The following LIG1 variants were observed in gnomAD, a reference collection of about 807,000 sequenced individuals.
LIG1 encodes the protein ligase I, DNA, ATP-dependent.
Under a neutral mutation model 115.7 loss-of-function variants are expected in LIG1, and 70 were observed. The observed-to-expected ratio is 0.60, with a 90% confidence interval of 0.50 to 0.74. LIG1 has a LOEUF of 0.74. Ranked by LOEUF, LIG1 falls within the 30% of genes least tolerant of loss-of-function variation. LIG1 has a pLI of 0.00. For synonymous variants in LIG1, 487 were observed against 495.3 expected, an observed-to-expected ratio of 0.98 and a Z score of 0.22; for missense variants, 1,115 against 1,225.6, an observed-to-expected ratio of 0.91 and a Z score of 1.35.
chr19:48,160,732 T>G lies in LIG1; in HGVS notation c.243+640A>C, dbSNP rs1353880743. Among the ~76,000 whole-genome samples, 3 of 151,690 alleles carry G rather than the reference T, an allele frequency of 2.0e-5. No individual in the cohort carries two copies. In the East Asian group the frequency reaches 5.8e-4, roughly 29 times the overall value. ...CTAGATATACTTTTGAACCCTTATT[T>G]TTTTGCTTTTTTTTTTTTGAAGCAA... is the stretch of plus-strand genomic sequence containing the variant. On this transcript the variant is annotated intron_variant, in intron 4 of 27. Coordinates refer to ENST00000263274, the MANE Select transcript of LIG1 (RefSeq NM_000234.3).
chr19:48,143,140 G>C (rs1486055996), intron 11 of LIG1, among the ~76,000 whole-genome samples: 1 of 152,186 alleles, frequency 6.6e-6, no homozygotes, highest in Non-Finnish European at 1.5e-5. Context: ...GGGAACCTCT[G>C]TGAATGAGTA....
At chr19:48,166,997 A>G (rs1165471910) in intron 1 of LIG1, among the ~76,000 whole-genome samples, 2 of 150,724 alleles carry the variant, frequency 1.3e-5, no homozygotes, top group Admixed American at 6.6e-5. Context: ...AAGAAAAAGA[A>G]AAAGAAAAGA....
At chr19:48,143,438 G>T in intron 11 of LIG1, 105 bp downstream of exon 11, 1 of 1,081,972 alleles carries the variant, frequency 9.2e-7, no homozygotes, top group Non-Finnish European at 1.4e-6. Flanking sequence ...CGGGGTCAGA[G>T]GCCAAGTTGA....
At chr19:48,162,936 AC>A (rs1166994828) in intron 2 of LIG1, among the ~76,000 whole-genome samples, 14 of 149,360 alleles carry the variant, frequency 9.4e-5, no homozygotes, top group African/African-American at 3.5e-4. Context: ...TTTTTTTTAG[AC>A]AGACTCTCGC....
intron 26 of LIG1, 70 bp downstream of exon 26, chr19:48,117,568 C>T (rs2032937329): frequency 6.5e-7 from 1 of 1,540,510 alleles, no homozygotes; most frequent in African/African-American, 1.4e-5. Flanking sequence ...AAGGTCCCCT[C>T]CCTACTCTGC....
chr19:48,139,868 G>T, intron 12 of LIG1, 103 bp downstream of exon 12: 1 of 1,373,030 alleles, frequency 7.3e-7, no homozygotes, highest in Non-Finnish European at 1.0e-6. Flanking sequence ...CCTCAACCCT[G>T]TTTCACAGCC....
chr19:48,143,514 C>G (rs2122726076), intron 11 of LIG1, 29 bp downstream of exon 11: 1 of 550,154 alleles, frequency 1.8e-6, no homozygotes, highest in African/African-American at 2.2e-5. Flanking sequence ...GCGACCCCGC[C>G]CCCCACCCAG....
intron 24 of LIG1, chr19:48,120,599 C>G (rs1440191530): frequency 1.0e-6 from 1 of 977,688 alleles, no homozygotes; most frequent in Non-Finnish European, 1.2e-6. Flanking sequence ...TTTACATTTC[C>G]CAGAATTCCT....
intron 2 of LIG1, 62 bp from the exon 3 acceptor site, chr19:48,162,413 A>C (rs1158348090): frequency 1.8e-6 from 2 of 1,085,688 alleles, no homozygotes; most frequent in Non-Finnish European, 2.8e-6. Context: ...CTGCCTATCT[A>C]TGCTGTATCC....
chr19:48,167,461 T>C (rs1804698908), intron 1 of LIG1, among the ~76,000 whole-genome samples: 1 of 152,048 alleles, frequency 6.6e-6, no homozygotes, highest in Admixed American at 6.6e-5. Context: ...CACACGCCTC[T>C]AAGTCTCCAC....
At position 48,147,809 on chromosome 19, in the gene LIG1, C is replaced by A. The variant is rs952178311; in HGVS notation, c.776+1954G>T. ...ATACTTACTGAGTAAATAAATGAGT[C>A]CATGATTGACTAGTGAAAAAAAAAA... On this transcript the variant is annotated intron_variant, in intron 9 of 27. Coordinates refer to ENST00000263274, the MANE Select transcript of LIG1 (RefSeq NM_000234.3). Among the ~76,000 whole-genome samples the A allele has an allele frequency of 1.2e-4, 18 of 146,746 alleles. 1 individual carries two copies. The highest frequency in any genetic ancestry group is 6.0e-5 in the Non-Finnish European group (4 of 66,588).
chr19:48,128,802 G>A (rs750513294), intron 19 of LIG1, among the ~76,000 whole-genome samples: 55 of 152,294 alleles, frequency 3.6e-4, no homozygotes, highest in Admixed American at 5.9e-4. Context: ...TAGCTCTGTC[G>A]CCCAGGCTGC....
chr19:48,132,127 G>A (rs896159628), intron 18 of LIG1, among the ~76,000 whole-genome samples: 1 of 151,746 alleles, frequency 6.6e-6, no homozygotes, highest in Non-Finnish European at 1.5e-5. Context: ...TAGTAGAGAT[G>A]GGGTTTCACC....
chr19:48,128,207 A>G (rs1278108634), intron 19 of LIG1, among the ~76,000 whole-genome samples, 187 bp from the exon 20 acceptor site: 2 of 151,816 alleles, frequency 1.3e-5, no homozygotes, highest in Non-Finnish European at 2.9e-5. Flanking sequence ...GTCTCTGAGA[A>G]TGTAATATTT....
intron 1 of LIG1, chr19:48,169,541 G>A (rs1194364448): frequency 6.5e-6 from 1 of 152,672 alleles, no homozygotes; most frequent in African/African-American, 2.4e-5. Flanking sequence ...TAGGCCAGAC[G>A]TCTCCCCATT....
chr19:48,142,348 C>T (rs527764984), intron 11 of LIG1, among the ~76,000 whole-genome samples: 1 of 149,616 alleles, frequency 6.7e-6, no homozygotes, highest in South Asian at 2.1e-4. Context: ...GAGGCTGAGG[C>T]AGGAGAATGG....
chr19:48,155,641 G>GA (rs2035785917), intron 5 of LIG1, among the ~76,000 whole-genome samples: 1 of 152,094 alleles, frequency 6.6e-6, no homozygotes, highest in African/African-American at 2.4e-5. Context: ...TAAAAAGGGG[G>GA]AAAAAACCAG....
At chr19:48,148,079 G>A (rs539145177) in intron 9 of LIG1, among the ~76,000 whole-genome samples, 3 of 152,308 alleles carry the variant, frequency 2.0e-5, no homozygotes, top group African/African-American at 4.8e-5. Context: ...AGAGGCACCC[G>A]GCTTCCCTAA....
rs2033351181 is a variant in LIG1, at chr19:48,122,421, G to A, written c.2232+513C>T. On this transcript the variant is annotated intron_variant, in intron 23 of 27. Coordinates refer to ENST00000263274, the MANE Select transcript of LIG1 (RefSeq NM_000234.3). The surrounding 1 kb of genome is among the most constrained non-coding windows in gnomAD (Gnocchi z 4.3). The stretch of plus-strand genomic sequence containing the variant: ...TCTGAGCTCACCTCCCGCCTCGCCT[G>A]CCCTTGCTCCCTGCACACGCAGAGG... The A allele has an allele frequency of 2.6e-5, 5 of 195,226 alleles. No individual in the cohort carries two copies. The South Asian group carries it at 5.0e-4, about 19-fold the overall frequency. 12.1% of individuals were successfully genotyped at this position (195,226 alleles called of 1,614,324 possible). A position where few individuals can be genotyped will look rare whatever the true frequency, so the allele number is the denominator to read the frequency against.
Sources: gnomAD v4.1 joint callset for allele counts (sites outside exome capture counted in the v4.1 genomes callset) on GRCh38, gnomAD v4.1.1 for gene constraint, Gnocchi (gnomAD v3.1) non-coding constraint, MANE v1.5 for transcripts, NCBI Gene and HGNC (gene_info 2026-07-23, HGNC 2026-07-21) for gene names.